PTPRK: variants seen among roughly 807,000 people sequenced by gnomAD.
The protein encoded by PTPRK is protein tyrosine phosphatase receptor type K.
PTPRK carries 75 observed loss-of-function variants against 178.0 expected under a neutral mutation model. The ratio of observed to expected loss-of-function variants is 0.42; its 90% CI spans 0.35 to 0.51. The LOEUF is 0.51. Among genes scored for constraint, PTPRK ranks in the 20% least tolerant of loss-of-function variants. The pLI, the probability that PTPRK is intolerant of heterozygous loss-of-function variation, is 0.02. For synonymous variants in PTPRK, 637 were observed against 620.6 expected (o/e 1.03, Z -0.39); for missense variants, 1,441 against 1,797.8 (o/e 0.80, Z 3.59).
At chr6:128,386,976 G>A (rs1217707970) in intron 2 of PTPRK, among the ~76,000 whole-genome samples, 2 of 152,178 alleles carry the variant, frequency 1.3e-5, no homozygotes, top group African/African-American at 2.4e-5. Context: ...GCTGAGGCAG[G>A]AGAATCGGTT....
At chr6:128,060,721 TA>T (rs1780663488) in intron 13 of PTPRK, among the ~76,000 whole-genome samples, 1 of 152,310 alleles carries the variant, frequency 6.6e-6, no homozygotes, top group African/African-American at 2.4e-5. Flanking sequence ...AAATTTAATT[TA>T]ATTCACATTA....
Position 128,007,978 on chromosome 6 carries a change from C to T in PTPRK, c.2333+1152G>A, listed in dbSNP as rs971184762. On this transcript the variant is annotated intron_variant, in intron 14 of 29. Transcript: ENST00000368226. The stretch of plus-strand genomic sequence containing the variant: ...TTCCAACCACAGAGGGAGACAACAG[C>T]AAGAGAAAGCACTATTTGGGGAAAG... 1.5e-5 allele frequency: 16 copies of T among 1,073,080 alleles called. No homozygotes were observed. In the Admixed American group the frequency reaches 2.7e-4, roughly 18 times the overall value. 66.5% of individuals were successfully genotyped at this position (1,073,080 alleles called of 1,614,324 possible). A position where few individuals can be genotyped will look rare whatever the true frequency, so the allele number is the denominator to read the frequency against.
intron 3 of PTPRK, among the ~76,000 whole-genome samples, chr6:128,285,301 G>A (rs2128304451): frequency 6.7e-6 from 1 of 150,314 alleles, no homozygotes; most frequent in African/African-American, 2.4e-5. Context: ...GGTCACCTGA[G>A]GTCAGGAGTT....
At chr6:128,446,431 A>C (rs532034773) in intron 1 of PTPRK, among the ~76,000 whole-genome samples, 1 of 152,334 alleles carries the variant, frequency 6.6e-6, no homozygotes, top group African/African-American at 2.4e-5. Flanking sequence ...AGAAACACCA[A>C]GTTTCTGGAT....
At chr6:128,291,212 A>T (rs1733131922) in intron 3 of PTPRK, among the ~76,000 whole-genome samples, 1 of 152,072 alleles carries the variant, frequency 6.6e-6, no homozygotes, top group African/African-American at 2.4e-5. Flanking sequence ...TCAATGGGAG[A>T]AGGGCTCAAC....
intron 1 of PTPRK, among the ~76,000 whole-genome samples, chr6:128,469,828 C>T (rs1352858294): frequency 1.3e-5 from 2 of 151,920 alleles, no homozygotes; most frequent in Non-Finnish European, 2.9e-5. Context: ...AAAGAGATGA[C>T]AGTGTGGGCT....
At chr6:128,295,537 T>C (rs1272786198) in intron 3 of PTPRK, among the ~76,000 whole-genome samples, 3 of 152,066 alleles carry the variant, frequency 2.0e-5, no homozygotes, top group Non-Finnish European at 4.4e-5. Flanking sequence ...GATGCAGCAA[T>C]GTCATTTAAG....
chr6:128,120,731 T>G (rs1792319596), intron 7 of PTPRK, among the ~76,000 whole-genome samples: 1 of 151,990 alleles, frequency 6.6e-6, no homozygotes, highest in African/African-American at 2.4e-5. Flanking sequence ...AGTCAAAACT[T>G]AAACTCCAGT....
intron 11 of PTPRK, among the ~76,000 whole-genome samples, chr6:128,076,538 A>T (rs866414681): frequency 1.3e-5 from 2 of 152,000 alleles, no homozygotes; most frequent in African/African-American, 4.8e-5. Flanking sequence ...ATTCACTTCA[A>T]AAAAAATCTG....
At chr6:128,011,122 T>TA (rs1357264705) in intron 13 of PTPRK, among the ~76,000 whole-genome samples, 3 of 151,386 alleles carry the variant, frequency 2.0e-5, no homozygotes, top group African/African-American at 7.2e-5. Context: ...AAAAGGAACA[T>TA]AGTCATTGCT....
chr6:128,124,716 C>T (rs996077580), intron 7 of PTPRK, among the ~76,000 whole-genome samples: 1 of 152,122 alleles, frequency 6.6e-6, no homozygotes, highest in Admixed American at 6.5e-5. Context: ...TATGCTTAAT[C>T]ATTTTGCCCT....
At chr6:128,000,306 T>C in intron 15 of PTPRK, 1 of 1,301,338 alleles carries the variant, frequency 7.7e-7, no homozygotes, top group East Asian at 4.8e-5. Flanking sequence ...TGAATTGTTG[T>C]CCCCATGATA....
chr6:128,447,607 T>C (rs973366287), intron 1 of PTPRK, among the ~76,000 whole-genome samples: 4 of 151,188 alleles, frequency 2.6e-5, no homozygotes, highest in Admixed American at 1.3e-4. Flanking sequence ...CATTTTTGAG[T>C]GTGCAGATTC....
intron 5 of PTPRK, chr6:128,235,375 T>A (rs1014117823): frequency 3.9e-5 from 7 of 180,336 alleles, no homozygotes; most frequent in Non-Finnish European, 9.0e-5. Flanking sequence ...TATTTGACAC[T>A]TCTCAAGAAT....
intron 6 of PTPRK, among the ~76,000 whole-genome samples, chr6:128,187,694 T>C (rs1309865073): frequency 6.6e-6 from 1 of 152,136 alleles, no homozygotes; most frequent in African/African-American, 2.4e-5. Flanking sequence ...GTTTTACATC[T>C]CACTTTCCAT....
intron 1 of PTPRK, among the ~76,000 whole-genome samples, chr6:128,496,187 CTG>C (rs1406847421): frequency 6.6e-6 from 1 of 152,122 alleles, no homozygotes; most frequent in East Asian, 1.9e-4. Flanking sequence ...CAGCTGAAGA[CTG>C]AGAGTGTCTT....
intron 7 of PTPRK, among the ~76,000 whole-genome samples, chr6:128,092,574 ATG>A (rs1396317468): frequency 6.6e-6 from 1 of 152,178 alleles, no homozygotes; most frequent in Non-Finnish European, 1.5e-5. Flanking sequence ...GTACATCTAT[ATG>A]TGTGTATATA....
At chr6:128,049,584 T>C (rs1254139382) in intron 13 of PTPRK, among the ~76,000 whole-genome samples, 2 of 152,034 alleles carry the variant, frequency 1.3e-5, no homozygotes, top group Non-Finnish European at 2.9e-5. Context: ...GTTAGTTTAA[T>C]ATGGATAAAG....
intron 3 of PTPRK, among the ~76,000 whole-genome samples, chr6:128,261,392 T>A (rs1204899579): frequency 6.6e-6 from 1 of 152,200 alleles, no homozygotes; most frequent in Non-Finnish European, 1.5e-5. Flanking sequence ...CTTAAGATAT[T>A]TTATTACATA....
Sources: allele counts gnomAD v4.1 joint callset (sites outside exome capture counted in the v4.1 genomes callset), GRCh38; gene constraint gnomAD v4.1.1; transcripts MANE v1.5; gene names NCBI Gene and HGNC (gene_info 2026-07-23, HGNC 2026-07-21).